The following EYS variants were observed in gnomAD, a reference collection of about 807,000 sequenced individuals.
The protein encoded by EYS is protein eyes shut homolog.
Under a neutral mutation model 282.1 loss-of-function variants are expected in EYS, and 250 were observed. The observed-to-expected ratio is 0.89, with a 90% CI of 0.80 to 0.98. EYS has a LOEUF of 0.98. Ranked by LOEUF, EYS falls within the 50% of genes least tolerant of loss-of-function variation. The probability of loss-of-function intolerance (pLI) is 0.00; values close to 1 mark genes in which losing one functional copy is unlikely to be tolerated. For missense variants in EYS, 4,016 were observed against 3,709.0 expected, an observed-to-expected ratio of 1.08 and a Z score of -2.15; for synonymous variants, 1,355 against 1,282.9, an observed-to-expected ratio of 1.06 and a Z score of -1.20.
At chr6:65,486,296 CTT>C (rs1443517218) in intron 5 of EYS, among the ~76,000 whole-genome samples, 1 of 152,052 alleles carries the variant, frequency 6.6e-6, no homozygotes, top group Non-Finnish European at 1.5e-5. Flanking sequence ...GCATAATGTG[CTT>C]TTTTTCTTGC....
chr6:64,760,575 T>C (rs1295476825), intron 22 of EYS, among the ~76,000 whole-genome samples: 1 of 152,162 alleles, frequency 6.6e-6, no homozygotes, highest in Non-Finnish European at 1.5e-5. Flanking sequence ...TGAGCCAAGA[T>C]ACTTATCATG....
At chr6:65,017,193 C>A (rs1002127105) in intron 13 of EYS, among the ~76,000 whole-genome samples, 7 of 152,104 alleles carry the variant, frequency 4.6e-5, no homozygotes, top group African/African-American at 7.2e-5. Flanking sequence ...TTCCACATAA[C>A]CTTTAGAAAT....
chr6:63,848,114 C>T (rs1048601191), intron 36 of EYS, among the ~76,000 whole-genome samples: 1 of 151,890 alleles, frequency 6.6e-6, no homozygotes, highest in African/African-American at 2.4e-5. Context: ...TTGAGAATGC[C>T]CACCATAAAT....
chr6:64,378,621 T>C (rs1772642892), intron 29 of EYS, among the ~76,000 whole-genome samples: 1 of 152,176 alleles, frequency 6.6e-6, no homozygotes, highest in Admixed American at 6.5e-5. Context: ...GTGCAATATC[T>C]TAATCATTCT....
chr6:64,729,259 G>A (rs1771873890), intron 22 of EYS, among the ~76,000 whole-genome samples: 1 of 152,136 alleles, frequency 6.6e-6, no homozygotes, highest in East Asian at 1.9e-4. Context: ...TACTAAGGCT[G>A]TATTGTATCA....
chr6:63,855,028 C>T (rs878912312), intron 36 of EYS, among the ~76,000 whole-genome samples: 1 of 152,204 alleles, frequency 6.6e-6, no homozygotes, highest in Admixed American at 6.5e-5. Context: ...AACCATTAGA[C>T]TGGTATACTC....
chr6:63,799,137 C>A (rs113681319), intron 37 of EYS, among the ~76,000 whole-genome samples: 12,123 of 150,616 alleles, frequency 0.08, 538 homozygotes, highest in East Asian at 0.16. Context: ...CCTCAGCCTC[C>A]TGAGTAGCTG....
At chr6:65,657,259 G>C (rs1767859697) in intron 1 of EYS, among the ~76,000 whole-genome samples, 1 of 151,848 alleles carries the variant, frequency 6.6e-6, no homozygotes, top group Non-Finnish European at 1.5e-5. Flanking sequence ...CCCATGGATT[G>C]AGGAGTGATT....
At chr6:65,326,012 G>C (rs1011179216) in intron 11 of EYS, among the ~76,000 whole-genome samples, 5 of 151,944 alleles carry the variant, frequency 3.3e-5, no homozygotes, top group African/African-American at 1.2e-4. Context: ...TGTTCCCTTT[G>C]ATCATAATTT....
At chr6:63,813,892 A>C (rs1771111334) in intron 36 of EYS, among the ~76,000 whole-genome samples, 1 of 152,212 alleles carries the variant, frequency 6.6e-6, no homozygotes, top group South Asian at 2.1e-4. Context: ...CGTATCTTGA[A>C]ATACACATTT....
chr6:65,398,348 A>G (rs1259490016), intron 7 of EYS, among the ~76,000 whole-genome samples: 1 of 152,094 alleles, frequency 6.6e-6, no homozygotes, highest in East Asian at 1.9e-4. Flanking sequence ...ATCTTTGAAA[A>G]AGTCAACAAA....
At chr6:64,114,000 G>C (rs1773295032) in intron 31 of EYS, among the ~76,000 whole-genome samples, 1 of 152,124 alleles carries the variant, frequency 6.6e-6, no homozygotes, top group Non-Finnish European at 1.5e-5. Flanking sequence ...GGTTGTGTCA[G>C]ACTATATGAC....
chr6:64,013,614 A>G (rs1768748440), intron 33 of EYS, among the ~76,000 whole-genome samples: 1 of 152,136 alleles, frequency 6.6e-6, no homozygotes, highest in Non-Finnish European at 1.5e-5. Context: ...GCCATGGTAA[A>G]AGTATTTATT....
intron 14 of EYS, among the ~76,000 whole-genome samples, chr6:64,948,350 A>G (rs1021201868): frequency 9.9e-5 from 15 of 150,866 alleles, no homozygotes; most frequent in African/African-American, 3.4e-4. Context: ...TTCTCATTCA[A>G]CATTGAATAA....
chr6:64,816,128 T>C (rs914302406), intron 21 of EYS, among the ~76,000 whole-genome samples: 1 of 152,024 alleles, frequency 6.6e-6, no homozygotes, highest in African/African-American at 2.4e-5. Flanking sequence ...ATTAAGATCT[T>C]GGAGAAAGGG....
intron 2 of EYS, among the ~76,000 whole-genome samples, chr6:65,574,414 A>G (rs1764586359): frequency 6.6e-6 from 1 of 152,214 alleles, no homozygotes. Flanking sequence ...ATGTACACTG[A>G]GAGTGAAAGA....
intron 32 of EYS, among the ~76,000 whole-genome samples, chr6:64,080,341 G>C (rs1215145351): frequency 1.3e-5 from 2 of 152,136 alleles, no homozygotes; most frequent in African/African-American, 4.8e-5. Flanking sequence ...GTGTCTTTTG[G>C]CTGCATAAAT....
chr6:65,350,836 C>G (rs2150325140), intron 9 of EYS, among the ~76,000 whole-genome samples: 1 of 151,774 alleles, frequency 6.6e-6, no homozygotes, highest in South Asian at 2.1e-4. Flanking sequence ...CTCTGTAGAG[C>G]AATCATATTG....
chr6:64,768,014 T>C (rs1773407141), intron 22 of EYS, among the ~76,000 whole-genome samples: 1 of 152,148 alleles, frequency 6.6e-6, no homozygotes, highest in Admixed American at 6.6e-5. Context: ...GCGATTTTGA[T>C]TGGCATTTCT....
Sources: allele counts gnomAD v4.1 joint callset (sites outside exome capture counted in the v4.1 genomes callset), GRCh38; gene constraint gnomAD v4.1.1; transcripts MANE v1.5; gene names NCBI Gene and HGNC (gene_info 2026-07-23, HGNC 2026-07-21).